Variants in CNTN6 observed in about 807,000 individuals in gnomAD.
CNTN6 encodes the protein contactin 6.
Under a neutral mutation model 122.8 loss-of-function variants are expected in CNTN6, and 137 were observed. That is an observed-to-expected ratio of 1.12 (90% confidence interval 0.97 to 1.29). The LOEUF (loss-of-function observed/expected upper bound fraction) is 1.29, where lower values mean the gene tolerates loss of function less well. Among genes scored for constraint, CNTN6 ranks in the 50% most tolerant of loss-of-function variants. The pLI, the probability that CNTN6 is intolerant of heterozygous loss-of-function variation, is 0.00. For missense variants in CNTN6, 1,634 were observed against 1,223.4 expected (o/e 1.34, Z -5.01); for synonymous variants, 570 against 426.0 (o/e 1.34, Z -4.16).
intron 2 of CNTN6, among the ~76,000 whole-genome samples, chr3:1,192,069 C>G (rs904433210): frequency 3.3e-4 from 50 of 152,240 alleles, no homozygotes; most frequent in African/African-American, 1.2e-3. Flanking sequence ...TTCAATCTGC[C>G]TCGTCCTTTT....
At chr3:1,167,225 A>G (rs990107174) in intron 2 of CNTN6, among the ~76,000 whole-genome samples, 1 of 152,140 alleles carries the variant, frequency 6.6e-6, no homozygotes, top group Non-Finnish European at 1.5e-5. Flanking sequence ...AGGGCAAGCT[A>G]CTGAACCCCT....
chr3:1,315,955 C>T (rs1192650134), intron 7 of CNTN6, among the ~76,000 whole-genome samples: 2 of 151,890 alleles, frequency 1.3e-5, no homozygotes, highest in Non-Finnish European at 2.9e-5. Flanking sequence ...GTATCAAATG[C>T]GTAGTCATAT....
chr3:1,185,475 C>A (rs766823800), intron 2 of CNTN6, among the ~76,000 whole-genome samples: 33 of 152,066 alleles, frequency 2.2e-4, no homozygotes, highest in Non-Finnish European at 4.6e-4. Context: ...GTTTGATAAC[C>A]ACTGCATTAG....
intron 1 of CNTN6, among the ~76,000 whole-genome samples, chr3:1,114,326 C>T (rs1001199644): frequency 2.0e-5 from 3 of 152,176 alleles, no homozygotes; most frequent in African/African-American, 7.2e-5. Context: ...TTGTCATTAG[C>T]TTGCTTTACT....
intron 1 of CNTN6, among the ~76,000 whole-genome samples, chr3:1,122,808 T>C (rs188114924): frequency 1.3e-5 from 2 of 152,030 alleles, no homozygotes; most frequent in East Asian, 3.9e-4. Context: ...TGAATAATAT[T>C]CCATTTTATG....
At chr3:1,114,204 A>G (rs143080865) in intron 1 of CNTN6, among the ~76,000 whole-genome samples, 1,915 of 152,330 alleles carry the variant, frequency 0.013, 12 homozygotes, top group Middle Eastern at 0.027. Flanking sequence ...GATAAAAGAA[A>G]GGAGAAGAGC....
intron 2 of CNTN6, among the ~76,000 whole-genome samples, chr3:1,163,979 A>G (rs762175815): frequency 6.6e-6 from 1 of 152,184 alleles, no homozygotes; most frequent in Non-Finnish European, 1.5e-5. Flanking sequence ...TAGACTGACA[A>G]CCTTGGCTGA....
At chr3:1,362,474 A>G (rs759749977) in intron 12 of CNTN6, among the ~76,000 whole-genome samples, 6 of 152,242 alleles carry the variant, frequency 3.9e-5, no homozygotes, top group East Asian at 3.9e-4. Flanking sequence ...TAAAACTCCA[A>G]TGGAAGTTCT....
chr3:1,245,308 A>AACATT (rs1345442253), intron 4 of CNTN6, among the ~76,000 whole-genome samples: 1 of 15,654 alleles, frequency 6.4e-5, no homozygotes, highest in African/African-American at 3.3e-4. Flanking sequence ...ATATATATAT[A>AACATT]TATATATATA....
intron 12 of CNTN6, among the ~76,000 whole-genome samples, chr3:1,360,847 T>G (rs1707357168): frequency 6.6e-6 from 1 of 152,120 alleles, no homozygotes; most frequent in African/African-American, 2.4e-5. Context: ...TTGTTTCTAC[T>G]GTCTTCTTTC....
chr3:1,126,086 C>T (rs2092148572), intron 1 of CNTN6, among the ~76,000 whole-genome samples: 2 of 151,754 alleles, frequency 1.3e-5, no homozygotes, highest in Non-Finnish European at 2.9e-5. Context: ...ATTATTTACC[C>T]CAGAGTATTT....
Position 1,281,680 on chromosome 3 carries a change from T to C in CNTN6, c.454+3172T>C, listed in dbSNP as rs535680898. Among the ~76,000 whole-genome samples, 25 of 152,186 alleles carry C rather than the reference T, an allele frequency of 1.6e-4. No homozygotes were observed. The South Asian group carries it at 4.4e-3, about 27-fold the overall frequency. On this transcript the variant is annotated intron_variant, in intron 5 of 22. Transcript: ENST00000446702. The stretch of plus-strand genomic sequence containing the variant: ...GGGTTTCACTTCTGACCTCGTGATC[T>C]GCCCGCCTCGGCCTCCCAAAGTGCT...
intron 4 of CNTN6, among the ~76,000 whole-genome samples, chr3:1,268,515 G>T (rs2094963791): frequency 6.7e-6 from 1 of 149,368 alleles, no homozygotes; most frequent in South Asian, 2.1e-4. Flanking sequence ...GCTGAGGCAG[G>T]AGAATGGCGT....
intron 2 of CNTN6, among the ~76,000 whole-genome samples, chr3:1,197,511 C>A (rs964549528): frequency 3.9e-5 from 6 of 152,088 alleles, no homozygotes; most frequent in African/African-American, 1.2e-4. Context: ...TTTAGTGAAA[C>A]CTAAGGAGCT....
intron 4 of CNTN6, among the ~76,000 whole-genome samples, chr3:1,249,531 A>G (rs893604318): frequency 6.6e-6 from 1 of 152,188 alleles, no homozygotes; most frequent in African/African-American, 2.4e-5. Flanking sequence ...CTATCCTCCT[A>G]GGCAGTGTTT....
chr3:1,099,551 A>G (rs2090766891), intron 1 of CNTN6, among the ~76,000 whole-genome samples: 2 of 152,164 alleles, frequency 1.3e-5, no homozygotes, highest in Admixed American at 1.3e-4. Flanking sequence ...ATTGAGGGAT[A>G]TTTAATTTAT....
At chr3:1,158,509 C>T (rs2093027975) in intron 2 of CNTN6, among the ~76,000 whole-genome samples, 1 of 151,800 alleles carries the variant, frequency 6.6e-6, no homozygotes, top group South Asian at 2.1e-4. Context: ...TGATTGTTTC[C>T]TTTTCTATAT....
At chr3:1,336,343 A>G (rs761160970) in intron 11 of CNTN6, among the ~76,000 whole-genome samples, 101 of 152,104 alleles carry the variant, frequency 6.6e-4, no homozygotes, top group Non-Finnish European at 9.1e-4. Context: ...GAGGATCACA[A>G]TTGTCACCGA....
chr3:1,350,144 C>T lies in CNTN6; in HGVS notation c.1365-2180C>T, dbSNP rs559225141. ...AAGTTTAATAGTAAATAGATCAGTA[C>T]TTCTCAAACTTAATTGTACATGCTA... On this transcript the variant is annotated intron_variant, in intron 11 of 22. Transcript: ENST00000446702. Among the ~76,000 whole-genome samples the T allele has an allele frequency of 1.2e-4, 18 of 151,880 alleles. No homozygotes were observed. In the South Asian group the frequency reaches 1.7e-3, roughly 14 times the overall value.
Sources: gnomAD v4.1 joint callset for allele counts (sites outside exome capture counted in the v4.1 genomes callset) on GRCh38, gnomAD v4.1.1 for gene constraint, MANE v1.5 for transcripts, NCBI Gene and HGNC (gene_info 2026-07-23, HGNC 2026-07-21) for gene names.